ADGRF1: variants seen among roughly 807,000 people sequenced by gnomAD.
ADGRF1 encodes the protein adhesion G protein-coupled receptor F1.
Under a neutral mutation model 87.2 loss-of-function variants are expected in ADGRF1, and 85 were observed. The ratio of observed to expected loss-of-function variants is 0.97; its 90% CI spans 0.82 to 1.17. The LOEUF is 1.17. Among genes scored for constraint, ADGRF1 ranks in the 50% most tolerant of loss-of-function variants. The pLI, the probability that ADGRF1 is intolerant of heterozygous loss-of-function variation, is 0.00. For synonymous variants in ADGRF1, 430 were observed against 408.8 expected (o/e 1.05, Z -0.63); for missense variants, 1,169 against 1,077.2 (o/e 1.09, Z -1.19).
intron 1 of ADGRF1, among the ~76,000 whole-genome samples, chr6:47,031,270 T>TTCTCTC (rs375425604): frequency 2.1e-5 from 3 of 146,110 alleles, no homozygotes; most frequent in South Asian, 4.4e-4. Context: ...TCTCTCTCTC[T>TTCTCTC]TCTCTCTCTC....
intron 1 of ADGRF1, among the ~76,000 whole-genome samples, chr6:47,034,948 T>C (rs961457129): frequency 6.6e-6 from 1 of 152,236 alleles, no homozygotes; most frequent in African/African-American, 2.4e-5. Context: ...TGTCTGCTCC[T>C]TCCTAACGAG....
At chr6:47,019,737 T>C (rs1779988477) in intron 7 of ADGRF1, 29 of 983,074 alleles carry the variant, frequency 2.9e-5, no homozygotes, top group Non-Finnish European at 3.5e-5. Flanking sequence ...TATGGGTGTT[T>C]TTAAGTTAAC....
intron 1 of ADGRF1, among the ~76,000 whole-genome samples, chr6:47,035,889 T>C (rs1022161907): frequency 1.3e-5 from 2 of 152,178 alleles, no homozygotes; most frequent in Non-Finnish European, 2.9e-5. Flanking sequence ...CAATCAACAC[T>C]GGGGACTCCT....
chr6:47,016,398 G>A, intron 8 of ADGRF1, among the ~76,000 whole-genome samples: 1 of 152,142 alleles, frequency 6.6e-6, no homozygotes, highest in East Asian at 1.9e-4. Context: ...TTTACACTAA[G>A]AGGTACAGAT....
Position 47,028,994 on chromosome 6 carries a change from C to A in ADGRF1, c.68G>T (p.Gly23Val). 6.2e-7 allele frequency: 1 copy of A among 1,613,598 alleles called. No homozygotes were observed. The highest frequency in any genetic ancestry group is 8.5e-7 in the Non-Finnish European group (1 of 1,179,570). Reference protein sequence around the residue: ...TFTDGHGGFLGKNDGIKTKKE... With the variant: ...TFTDGHGGFLVKNDGIKTKKE... Reference sequence around the variant, plus strand: ...ATATGAGACATAGCACCAACTCACCCCCAGGAAGCCACCGTGGCCGTCAGT... The same window carrying A: ...ATATGAGACATAGCACCAACTCACCACCAGGAAGCCACCGTGGCCGTCAGT... The change falls in exon 2 of 15, where the codon GGG becomes GTG. Residue 23 changes from glycine to valine, a missense_variant and splice_region_variant. Coordinates refer to ENST00000371253, the MANE Select transcript of ADGRF1 (RefSeq NM_153840.4).
Position 47,018,600 on chromosome 6 carries a change from A to G in ADGRF1, c.612-1832T>C, listed in dbSNP as rs531561981. 7.0e-6 allele frequency: 9 copies of G among 1,289,136 alleles called. No individual in the cohort carries two copies. In the South Asian group the frequency reaches 8.6e-5, roughly 12 times the overall value. 79.9% of individuals were successfully genotyped at this position (1,289,136 alleles called of 1,614,324 possible). On this transcript the variant is annotated intron_variant, in intron 7 of 14. Transcript: ENST00000371253. The stretch of plus-strand genomic sequence containing the variant: ...TAACTGTCCTGTTTGACAGATAAGT[A>G]AATAGAGTGAGAGATTAAGATTTAT...
intron 2 of ADGRF1, 27 bp downstream of exon 2, chr6:47,028,966 G>A (rs774771231): frequency 6.3e-7 from 1 of 1,587,102 alleles, no homozygotes; most frequent in South Asian, 1.1e-5. Flanking sequence ...TAGTTGAGAA[G>A]AGATATGAGA....
At position 47,010,292 on chromosome 6, in the gene ADGRF1, G is replaced by C. The variant is rs143296653; in HGVS notation, c.1143C>G (p.Ile381Met). Reference sequence around the variant, plus strand: ...AGTTGGTTACTGAGGCTGAATTAAGGATATTGTCAGCTATACTGATGACAT... The same window carrying C: ...AGTTGGTTACTGAGGCTGAATTAAGCATATTGTCAGCTATACTGATGACAT... ...MEDVISIADN[I>M]LNSASVTNWT... Residue 381 changes from isoleucine to methionine, a missense_variant, in exon 11 of 15, where the codon ATC becomes ATG. Coordinates refer to ENST00000371253, the MANE Select transcript of ADGRF1 (RefSeq NM_153840.4). 1.8e-4 allele frequency: 284 copies of C among 1,611,376 alleles called. No homozygotes were observed. The African/African-American group carries it at 3.3e-3, about 19-fold the overall frequency.
chr6:47,012,633 G>A (rs1031030582), intron 9 of ADGRF1: 5 of 989,108 alleles, frequency 5.1e-6, no homozygotes, highest in Admixed American at 1.2e-4. Flanking sequence ...GAAAATGTTA[G>A]GGTAGGTCTA....
rs148952874 is a variant in ADGRF1, at chr6:47,021,315, T to C, written c.553-526A>G. Reference sequence around the variant, plus strand: ...TCTTCAGCCTCTAACAACAGAGTTTTCTTTATAGAACAAATCCCAAATGCT... The same window carrying C: ...TCTTCAGCCTCTAACAACAGAGTTTCCTTTATAGAACAAATCCCAAATGCT... On this transcript the variant is annotated intron_variant, in intron 6 of 14. Coordinates refer to ENST00000371253, the MANE Select transcript of ADGRF1 (RefSeq NM_153840.4). Among the ~76,000 whole-genome samples the C allele has an allele frequency of 2.8e-3, 429 of 152,260 alleles. 1 individual carries two copies. The highest frequency in any genetic ancestry group is 5.1e-3 in the Non-Finnish European group (345 of 68,022).
At chr6:47,003,799 A>G (rs996777121) in intron 13 of ADGRF1, among the ~76,000 whole-genome samples, 1 of 152,200 alleles carries the variant, frequency 6.6e-6, no homozygotes, top group Non-Finnish European at 1.5e-5. Context: ...TTTGGCACAC[A>G]TTCTCAGAAC....
Position 47,024,467 on chromosome 6 carries a change from A to G in ADGRF1, c.278-250T>C, listed in dbSNP as rs140460992. ...GTAGCTGGGATTACAGGCACGCACCATCACCCTGGCTAGTTTTTGTATTTT... is the reference window on the plus strand; with the variant it reads ...GTAGCTGGGATTACAGGCACGCACCGTCACCCTGGCTAGTTTTTGTATTTT... On this transcript the variant is annotated intron_variant, in intron 4 of 14. Transcript: ENST00000371253. Among the ~76,000 whole-genome samples, 12 of 152,250 alleles carry G rather than the reference A, an allele frequency of 7.9e-5. No homozygotes were observed. In the East Asian group the frequency reaches 2.3e-3, roughly 29 times the overall value.
chr6:47,024,298 T>A, intron 4 of ADGRF1, 81 bp from the exon 5 acceptor site: 1 of 1,017,258 alleles, frequency 9.8e-7, no homozygotes, highest in Non-Finnish European at 1.4e-6. Flanking sequence ...ATTTTATATA[T>A]GTTTATTTTT....
At chr6:47,037,797 G>A (rs1031254105) in intron 1 of ADGRF1, among the ~76,000 whole-genome samples, 1 of 152,156 alleles carries the variant, frequency 6.6e-6, no homozygotes, top group East Asian at 1.9e-4. Context: ...TCAGGTATGA[G>A]CCACGACACT....
Position 47,028,942 on chromosome 6 carries a change from C to A in ADGRF1, c.69+51G>T, listed in dbSNP as rs371400250. ...GTGAGGGGTTCTAAAAGTGCCGGAACGAGAGAGGAGAGTTAGTTGAGAAGA... is the reference window on the plus strand; with the variant it reads ...GTGAGGGGTTCTAAAAGTGCCGGAAAGAGAGAGGAGAGTTAGTTGAGAAGA... On this transcript the variant is annotated intron_variant, in intron 2 of 14. Transcript: ENST00000371253. 5.5e-6 allele frequency: 8 copies of A among 1,445,176 alleles called. No individual in the cohort carries two copies. In the Admixed American group the frequency reaches 8.4e-5, roughly 15 times the overall value. 89.5% of individuals were successfully genotyped at this position (1,445,176 alleles called of 1,614,324 possible).
intron 1 of ADGRF1, 120 bp from the exon 2 acceptor site, chr6:47,029,224 G>A: frequency 1.6e-6 from 1 of 609,050 alleles, no homozygotes; most frequent in South Asian, 2.0e-5. Flanking sequence ...GGGTGTTTAT[G>A]TTTCCACTCC....
At chr6:47,016,832 T>C in intron 7 of ADGRF1, 64 bp from the exon 8 acceptor site, 1 of 1,496,032 alleles carries the variant, frequency 6.7e-7, no homozygotes, top group Non-Finnish European at 9.0e-7. Context: ...ACTCCCGGCC[T>C]ATGCTGTGTG....
intron 7 of ADGRF1, chr6:47,020,472 C>G: frequency 7.0e-7 from 1 of 1,426,634 alleles, no homozygotes; most frequent in Non-Finnish European, 9.5e-7. Context: ...CCATTGCACT[C>G]CAACTTGGGC....
chr6:47,028,730 A>C (rs190069102), intron 2 of ADGRF1, among the ~76,000 whole-genome samples: 1 of 152,268 alleles, frequency 6.6e-6, no homozygotes, highest in East Asian at 1.9e-4. Flanking sequence ...CATGTGTTGA[A>C]CTGGAAAAGA....
Sources: gnomAD v4.1 joint callset for allele counts (sites outside exome capture counted in the v4.1 genomes callset) on GRCh38, gnomAD v4.1.1 for gene constraint, MANE v1.5 for transcripts, NCBI Gene and HGNC (gene_info 2026-07-23, HGNC 2026-07-21) for gene names.